The following KNSTRN variants were observed in gnomAD, a reference collection of about 807,000 sequenced individuals.
The protein encoded by KNSTRN is small kinetochore-associated protein.
KNSTRN carries 38 observed loss-of-function variants against 44.7 expected under a neutral mutation model. The ratio of observed to expected loss-of-function variants is 0.85; its 90% CI spans 0.66 to 1.11. The LOEUF is 1.11. KNSTRN is among the 50% of genes most tolerant of loss of function. The probability of loss-of-function intolerance (pLI) is 0.00; values close to 1 mark genes in which losing one functional copy is unlikely to be tolerated. For synonymous variants in KNSTRN, 158 were observed against 148.1 expected, an observed-to-expected ratio of 1.07 and a Z score of -0.48; for missense variants, 406 against 375.8, an observed-to-expected ratio of 1.08 and a Z score of -0.66.
intron 5 of KNSTRN, 98 bp from the exon 6 acceptor site, chr15:40,389,738 A>T: frequency 7.2e-7 from 1 of 1,383,508 alleles, no homozygotes; most frequent in Non-Finnish European, 1.0e-6. Context: ...AAAAAAAGCC[A>T]GGCTTTTGCT....
chr15:40,383,022 G>A lies in KNSTRN; in HGVS notation c.187G>A (p.Gly63Arg). 6.2e-7 allele frequency: 1 copy of A among 1,611,250 alleles called. No individual in the cohort carries two copies. Among genetic ancestry groups the A allele is most frequent in the Non-Finnish European group, 8.5e-7 (1 of 1,180,020 alleles). The change falls in exon 1 of 9, where the codon GGG (glycine) becomes AGG (arginine). Residue 63 changes from glycine to arginine, a missense_variant. Coordinates refer to ENST00000249776, the MANE Select transcript of KNSTRN (RefSeq NM_033286.4). ...TTTAAACGAGAGCGAGAAGGACTGC[G>A]GGCAGGACCGGCGGGCTCCTGGGTT... ...NLLNESEKDC[G>R]QDRRAPGVQP...
intron 6 of KNSTRN, among the ~76,000 whole-genome samples, chr15:40,390,593 A>G (rs1012421903): frequency 5.3e-5 from 8 of 152,096 alleles, no homozygotes; most frequent in Non-Finnish European, 1.0e-4. Flanking sequence ...TTACTGGTTA[A>G]TCTTTAGGTT....
rs1264679542 is a variant in KNSTRN, at chr15:40,382,851, G to GC, written c.20dup (p.Pro8AlafsTer23). 4 of 1,610,134 alleles carry GC rather than the reference G, an allele frequency of 2.5e-6. No individual in the cohort carries two copies. The Admixed American group carries it at 6.7e-5, about 27-fold the overall frequency. On this transcript the variant is annotated frameshift_variant, in exon 1 of 9. Coordinates refer to ENST00000249776, the MANE Select transcript of KNSTRN (RefSeq NM_033286.4). LOFTEE classifies it high-confidence loss of function. ...TCCGTACAGTATGGCGGCTCCCGAA[G>GC]CCCCGCCCCTGGACAGAGTTTTCCG...
chr15:40,386,619 A>G lies in KNSTRN; in HGVS notation c.437+125A>G, dbSNP rs563457373. ...ACAACTGGCCTTCAATCAGTGGCCC[A>G]GAGCAGTGCAGCATTGCTGAGCTCT... On this transcript the variant is annotated intron_variant, in intron 3 of 8. Transcript: ENST00000249776. 34 of 927,892 alleles carry G rather than the reference A, an allele frequency of 3.7e-5. No individual in the cohort carries two copies. In the East Asian group the frequency reaches 8.1e-4, roughly 22 times the overall value. The allele number at this position is 927,892 out of a possible 1,614,324, so 57.5% of individuals were successfully genotyped here.
At chr15:40,391,829 T>G in intron 7 of KNSTRN, 120 bp from the exon 8 acceptor site, 1 of 798,154 alleles carries the variant, frequency 1.3e-6, no homozygotes, top group Non-Finnish European at 2.0e-6. Context: ...GTTCTATACT[T>G]TATCAAATTT....
intron 8 of KNSTRN, 29 bp from the exon 9 acceptor site, chr15:40,393,440 G>A (rs200872015): frequency 2.6e-5 from 41 of 1,607,264 alleles, no homozygotes; most frequent in African/African-American, 2.0e-4. Context: ...TGTATGTGTT[G>A]TTTTCTTTTG....
intron 4 of KNSTRN, 76 bp downstream of exon 4, chr15:40,387,282 A>C: frequency 8.2e-7 from 1 of 1,212,766 alleles, no homozygotes; most frequent in Non-Finnish European, 1.2e-6. Flanking sequence ...CATCAGAATC[A>C]TTTGTGGGAC....
At chr15:40,388,556 A>G (rs1272523935) in intron 4 of KNSTRN, among the ~76,000 whole-genome samples, 1 of 152,122 alleles carries the variant, frequency 6.6e-6, no homozygotes, top group South Asian at 2.1e-4. Context: ...TTAGCCAGGC[A>G]TGGTGGCGGG....
intron 6 of KNSTRN, among the ~76,000 whole-genome samples, chr15:40,390,442 A>G (rs1399328298): frequency 6.6e-6 from 1 of 152,234 alleles, no homozygotes; most frequent in Non-Finnish European, 1.5e-5. Flanking sequence ...TGTCCCCCAG[A>G]AAGCAGTATC....
At chr15:40,388,694 C>CA (rs56695454) in intron 4 of KNSTRN, among the ~76,000 whole-genome samples, 71 of 139,390 alleles carry the variant, frequency 5.1e-4, no homozygotes, top group South Asian at 1.1e-3. Context: ...GACTCCATCT[C>CA]AAAAAAAAAA....
At chr15:40,389,145 T>C (rs754587040) in intron 4 of KNSTRN, 2 of 456,630 alleles carry the variant, frequency 4.4e-6, no homozygotes, top group South Asian at 3.1e-5. Context: ...TAGGCCGTAT[T>C]TTTCTTTCTT....
Position 40,389,902 on chromosome 15 carries a change from AT to A in KNSTRN, c.662del (p.Leu221TrpfsTer10). 6.2e-7 allele frequency: 1 copy of A among 1,614,184 alleles called. No homozygotes were observed. The highest frequency in any genetic ancestry group is 8.5e-7 in the Non-Finnish European group (1 of 1,180,012). ...GAAGTTTCGGGACAACTGTTTGGCA[AT>A]TTTGGAGAGCAAGGGCCTTGATCCA... ...LEKFRDNCLA[I>X]LESKGLDPAL... On this transcript the variant is annotated frameshift_variant, in exon 6 of 9. Transcript: ENST00000249776. LOFTEE classifies it high-confidence loss of function.
intron 7 of KNSTRN, 26 bp from the exon 8 acceptor site, chr15:40,391,923 T>G (rs747505289): frequency 6.3e-7 from 1 of 1,586,090 alleles, no homozygotes; most frequent in African/African-American, 1.4e-5. Flanking sequence ...TGAAGATTTG[T>G]TTACTACATT....
At chr15:40,391,128 T>A (rs958624630) in intron 6 of KNSTRN, among the ~76,000 whole-genome samples, 4 of 152,158 alleles carry the variant, frequency 2.6e-5, no homozygotes, top group African/African-American at 9.7e-5. Context: ...CATGTGATAT[T>A]ACCGAAAGTA....
chr15:40,389,239 C>T (rs920389929), intron 4 of KNSTRN: 27 of 487,828 alleles, frequency 5.5e-5, no homozygotes, highest in Non-Finnish European at 9.9e-5. Context: ...ACCTCCGCCT[C>T]CTGGGTTCAA....
chr15:40,389,545 C>G lies in KNSTRN; in HGVS notation c.525C>G (p.Leu175=), dbSNP rs201299058. The G allele has an allele frequency of 3.7e-6, 6 of 1,614,030 alleles. No individual in the cohort carries two copies. The South Asian group carries it at 5.5e-5, about 15-fold the overall frequency. The change falls in exon 5 of 9, where the codon CTC becomes CTG. Residue 175 remains leucine, a synonymous_variant. Coordinates refer to ENST00000249776, the MANE Select transcript of KNSTRN (RefSeq NM_033286.4). ...GTAAGCAAAAATCAGAGGAAGAGCTCAAGGACAAGAACCAGCTGTTAGAAG... is the reference window on the plus strand; with the variant it reads ...GTAAGCAAAAATCAGAGGAAGAGCTGAAGGACAAGAACCAGCTGTTAGAAG... ...PLSKQKSEEE[L]KDKNQLLEAV... is the part of the protein sequence containing the mutation.
intron 4 of KNSTRN, among the ~76,000 whole-genome samples, chr15:40,388,409 A>C (rs767869022): frequency 6.6e-6 from 1 of 152,230 alleles, no homozygotes; most frequent in Non-Finnish European, 1.5e-5. Flanking sequence ...TGGCTTAAGA[A>C]TGCCTTTAAG....
intron 2 of KNSTRN, 130 bp from the exon 3 acceptor site, chr15:40,386,232 A>G (rs1291448407): frequency 2.0e-6 from 2 of 1,022,068 alleles, no homozygotes; most frequent in Non-Finnish European, 2.7e-6. Flanking sequence ...GTCTCAAAAA[A>G]ATAAATAATA....
chr15:40,392,142 A>C, intron 8 of KNSTRN, 119 bp downstream of exon 8: 1 of 694,974 alleles, frequency 1.4e-6, no homozygotes, highest in Non-Finnish European at 2.2e-6. Context: ...GATTTATAGG[A>C]AAGTTACAAA....
Sources: allele counts gnomAD v4.1 joint callset (sites outside exome capture counted in the v4.1 genomes callset), GRCh38; gene constraint gnomAD v4.1.1; transcripts MANE v1.5; gene names NCBI Gene and HGNC (gene_info 2026-07-23, HGNC 2026-07-21).